GDA: variants seen among roughly 807,000 people sequenced by gnomAD.
GDA encodes the protein cytoplasmic PSD-95 interactor.
In GDA, 18 loss-of-function variants were observed where a neutral mutation model predicts 59.6. The observed-to-expected ratio is 0.30, with a 90% confidence interval of 0.21 to 0.45. The LOEUF (loss-of-function observed/expected upper bound fraction) is 0.45. Ranked by LOEUF, GDA falls within the 20% of genes least tolerant of loss-of-function variation. The pLI, the probability that GDA is intolerant of heterozygous loss-of-function variation, is 1.00. For missense variants in GDA, 427 were observed against 552.3 expected (o/e 0.77, Z 2.27); for synonymous variants, 201 against 201.1 (o/e 1.00, Z 0.00).
At chr9:72,163,370 G>A (rs1259921998) in intron 1 of GDA, among the ~76,000 whole-genome samples, 1 of 152,116 alleles carries the variant, frequency 6.6e-6, no homozygotes, top group Non-Finnish European at 1.5e-5. Context: ...CATGAACAAA[G>A]AGAAAGAAGT....
At chr9:72,220,642 T>C (rs1343857024) in intron 6 of GDA, among the ~76,000 whole-genome samples, 2 of 151,980 alleles carry the variant, frequency 1.3e-5, no homozygotes, top group African/African-American at 2.4e-5. Flanking sequence ...ACAGGATTGG[T>C]TTCTGGCAAG....
chr9:72,133,308 A>AAG (rs1554722434), intron 1 of GDA, among the ~76,000 whole-genome samples: 1 of 101,558 alleles, frequency 9.8e-6, no homozygotes, highest in Admixed American at 1.4e-4. Flanking sequence ...AAAAAAAAAA[A>AAG]AATAATAATA....
intron 2 of GDA, 51 bp from the exon 3 acceptor site, chr9:72,202,520 G>A (rs776767059): frequency 8.4e-7 from 1 of 1,196,488 alleles, no homozygotes. Flanking sequence ...AAAAATATGG[G>A]AAATGACTGA....
intron 4 of GDA, among the ~76,000 whole-genome samples, chr9:72,212,581 C>T (rs537529648): frequency 6.6e-6 from 1 of 152,216 alleles, no homozygotes; most frequent in East Asian, 1.9e-4. Flanking sequence ...CTACACATAG[C>T]AGAGAACACT....
intron 1 of GDA, among the ~76,000 whole-genome samples, chr9:72,126,415 G>A (rs1213614063): frequency 6.6e-6 from 1 of 152,156 alleles, no homozygotes; most frequent in Non-Finnish European, 1.5e-5. Flanking sequence ...CTTGCCAGAT[G>A]TTGAGTAGCA....
At chr9:72,118,976 A>G (rs980546595) in intron 1 of GDA, among the ~76,000 whole-genome samples, 1 of 152,236 alleles carries the variant, frequency 6.6e-6, no homozygotes, top group Non-Finnish European at 1.5e-5. Flanking sequence ...TAAGTTTTAC[A>G]TATTTATTGA....
At chr9:72,126,891 A>G (rs1825867772) in intron 1 of GDA, among the ~76,000 whole-genome samples, 1 of 151,934 alleles carries the variant, frequency 6.6e-6, no homozygotes, top group African/African-American at 2.4e-5. Context: ...TTTTCTCCCT[A>G]TTCAGATTTG....
intron 1 of GDA, among the ~76,000 whole-genome samples, chr9:72,178,665 G>A (rs11143149): frequency 0.16 from 23,940 of 152,042 alleles, 1,942 homozygotes; most frequent in African/African-American, 0.2. Flanking sequence ...TGTTCTGCCC[G>A]CCTTGGCCTC....
intron 1 of GDA, among the ~76,000 whole-genome samples, chr9:72,164,802 T>G (rs1829079597): frequency 6.6e-6 from 1 of 150,920 alleles, no homozygotes; most frequent in Non-Finnish European, 1.5e-5. Context: ...GCTAACATGG[T>G]GAAACCCTGT....
intron 1 of GDA, among the ~76,000 whole-genome samples, chr9:72,185,687 T>A (rs1229111412): frequency 1.3e-5 from 2 of 152,222 alleles, no homozygotes; most frequent in African/African-American, 2.4e-5. Context: ...ATGGCTGAGC[T>A]ATTTCACAGT....
chr9:72,241,944 T>C (rs556170739), intron 11 of GDA, among the ~76,000 whole-genome samples: 97 of 152,286 alleles, frequency 6.4e-4, no homozygotes, highest in African/African-American at 2.3e-3. Flanking sequence ...AGTAACTTGC[T>C]CTCCAGTGGC....
At chr9:72,149,242 G>T, upstream of GDA, 1 of 352,396 alleles carries the variant, frequency 2.8e-6, no homozygotes, top group South Asian at 3.2e-5. Context: ...GATCTTCTGA[G>T]CCTCAGCTGT....
intron 1 of GDA, among the ~76,000 whole-genome samples, chr9:72,120,360 T>A (rs1166623814): frequency 6.6e-6 from 1 of 152,104 alleles, no homozygotes; most frequent in Non-Finnish European, 1.5e-5. Flanking sequence ...AGCTAATTTT[T>A]AAAAAATATT....
At chr9:72,200,337 T>G (rs1189580633) in intron 2 of GDA, among the ~76,000 whole-genome samples, 1 of 151,956 alleles carries the variant, frequency 6.6e-6, no homozygotes, top group Non-Finnish European at 1.5e-5. Flanking sequence ...CTTCTCCTTC[T>G]TCTTCCTTTT....
intron 10 of GDA, among the ~76,000 whole-genome samples, chr9:72,232,351 T>C (rs931364162): frequency 6.6e-6 from 1 of 152,218 alleles, no homozygotes; most frequent in African/African-American, 2.4e-5. Context: ...ATACGCATAA[T>C]GATTTTACTG....
intron 1 of GDA, among the ~76,000 whole-genome samples, chr9:72,119,612 T>A (rs183635380): frequency 1.3e-5 from 2 of 152,356 alleles, no homozygotes; most frequent in East Asian, 3.9e-4. Context: ...TTCACTATAA[T>A]GAGAAGGTAG....
At chr9:72,174,879 T>G (rs567876011) in intron 1 of GDA, among the ~76,000 whole-genome samples, 59 of 152,126 alleles carry the variant, frequency 3.9e-4, no homozygotes, top group African/African-American at 1.3e-3. Context: ...GTTGGAAATA[T>G]ACCTTGGCAT....
intron 9 of GDA, among the ~76,000 whole-genome samples, chr9:72,229,873 A>C (rs1345500944): frequency 6.6e-6 from 1 of 152,216 alleles, no homozygotes; most frequent in Admixed American, 6.5e-5. Flanking sequence ...GGAGTGACAC[A>C]GGGAATCTTG....
At chr9:72,133,026 C>T (rs987742716) in intron 1 of GDA, among the ~76,000 whole-genome samples, 1 of 152,004 alleles carries the variant, frequency 6.6e-6, no homozygotes, top group Non-Finnish European at 1.5e-5. Flanking sequence ...TGCAGTGGCT[C>T]ACACCTATAA....
Sources: allele counts gnomAD v4.1 joint callset (sites outside exome capture counted in the v4.1 genomes callset), GRCh38; gene constraint gnomAD v4.1.1; transcripts MANE v1.5; gene names NCBI Gene and HGNC (gene_info 2026-07-23, HGNC 2026-07-21).